The following AUTS2 variants were observed in gnomAD, a reference collection of about 807,000 sequenced individuals.
AUTS2 encodes the protein autism susceptibility gene 2 protein.
A neutral mutation model predicts 112.4 loss-of-function variants in AUTS2; 17 were observed. The ratio of observed to expected loss-of-function variants is 0.15; its 90% CI spans 0.10 to 0.23. AUTS2 has a LOEUF of 0.23. AUTS2 is among the 10% of genes least tolerant of loss of function. AUTS2 has a pLI of 1.00. For synonymous variants in AUTS2, 751 were observed against 702.7 expected (o/e 1.07, Z -1.09); for missense variants, 1,510 against 1,701.6 (o/e 0.89, Z 1.98).
At position 70,777,185 on chromosome 7, in the gene AUTS2, CCTT is replaced by C. The variant is rs778294744; in HGVS notation, c.2004+13_2004+15del. 58 of 1,613,134 alleles carry C rather than the reference CCTT, an allele frequency of 3.6e-5. No homozygotes were observed. Among genetic ancestry groups the C allele is most frequent in the Non-Finnish European group, 4.5e-5 (53 of 1,179,258 alleles). Reference sequence around the variant, plus strand: ...CAACAGAAAGTCAAGGTCAGTCCGACCTTCGTGGTGTAGGGAAGAATGGGATGC... The same window carrying C: ...CAACAGAAAGTCAAGGTCAGTCCGACCGTGGTGTAGGGAAGAATGGGATGC... On this transcript the variant is annotated intron_variant, in intron 14 of 18. Transcript: ENST00000342771.
chr7:69,797,911 G>T (rs1009754926), intron 1 of AUTS2, among the ~76,000 whole-genome samples: 1 of 152,036 alleles, frequency 6.6e-6, no homozygotes, highest in African/African-American at 2.4e-5. Context: ...CTTTACTTTC[G>T]AAAGGAAGGA....
chr7:70,063,749 A>G (rs1802363978), intron 2 of AUTS2, among the ~76,000 whole-genome samples: 2 of 152,112 alleles, frequency 1.3e-5, no homozygotes, highest in South Asian at 4.2e-4. Flanking sequence ...GAACACCGCG[A>G]AAAGAGCTCA....
chr7:70,051,495 T>A (rs976953266), intron 2 of AUTS2, among the ~76,000 whole-genome samples: 4 of 152,166 alleles, frequency 2.6e-5, no homozygotes, highest in African/African-American at 7.2e-5. Flanking sequence ...GGCAGGTGGA[T>A]CACCTGAGTT....
intron 1 of AUTS2, among the ~76,000 whole-genome samples, chr7:69,836,592 A>G (rs903215525): frequency 1.3e-5 from 2 of 152,112 alleles, no homozygotes; most frequent in African/African-American, 2.4e-5. Context: ...TGGGTAAGGT[A>G]GATTCTTATG....
intron 1 of AUTS2, among the ~76,000 whole-genome samples, chr7:69,685,220 T>G (rs1033276108): frequency 6.6e-6 from 1 of 152,174 alleles, no homozygotes; most frequent in East Asian, 1.9e-4. Context: ...GCTGGAGGCT[T>G]CCTCACCTTT....
At position 70,366,932 on chromosome 7, in the gene AUTS2, A is replaced by G. The variant is rs547858078; in HGVS notation, c.661-68820A>G. Among the ~76,000 whole-genome samples, 6 of 152,294 alleles carry G rather than the reference A, an allele frequency of 3.9e-5. No individual in the cohort carries two copies. In the East Asian group the frequency reaches 1.2e-3, roughly 29 times the overall value. ...AGTTTGAGGTACCTGTGGAACATCC[A>G]AGTGGAGAACTTTGGCTAACAAAGT... On this transcript the variant is annotated intron_variant, in intron 4 of 18. Coordinates refer to ENST00000342771, the MANE Select transcript of AUTS2 (RefSeq NM_015570.4).
chr7:69,665,113 C>T (rs973304466), intron 1 of AUTS2, among the ~76,000 whole-genome samples: 3 of 152,156 alleles, frequency 2.0e-5, no homozygotes, highest in African/African-American at 7.2e-5. Flanking sequence ...CTGAAATACA[C>T]AGATTTGCAT....
At chr7:70,299,391 G>A (rs1016302483) in intron 4 of AUTS2, among the ~76,000 whole-genome samples, 1 of 152,160 alleles carries the variant, frequency 6.6e-6, no homozygotes, top group African/African-American at 2.4e-5. Flanking sequence ...CAGCATTCTG[G>A]AATGATTTTG....
At chr7:70,492,423 C>T (rs956338707) in intron 5 of AUTS2, among the ~76,000 whole-genome samples, 3 of 152,076 alleles carry the variant, frequency 2.0e-5, no homozygotes, top group Admixed American at 6.6e-5. Context: ...AAGAGATGCC[C>T]TCAGGTGGGG....
chr7:70,629,782 T>G (rs1805162765), intron 5 of AUTS2, among the ~76,000 whole-genome samples: 1 of 152,038 alleles, frequency 6.6e-6, no homozygotes, highest in Admixed American at 6.6e-5. Context: ...TTTTAAAAGC[T>G]TTAGGTCTAT....
chr7:70,173,823 C>CA (rs1562762482), intron 4 of AUTS2, among the ~76,000 whole-genome samples: 53 of 1,966 alleles, frequency 0.027, no homozygotes, highest in African/African-American at 0.16. Flanking sequence ...ACATAAACCT[C>CA]GCTATATAAG....
At chr7:70,544,159 A>G (rs1003154939) in intron 5 of AUTS2, among the ~76,000 whole-genome samples, 3 of 152,182 alleles carry the variant, frequency 2.0e-5, no homozygotes, top group African/African-American at 7.2e-5. Flanking sequence ...CCAAGTTACT[A>G]TTACCTGATT....
chr7:70,388,803 A>G (rs1432187944), intron 4 of AUTS2, among the ~76,000 whole-genome samples: 1 of 152,198 alleles, frequency 6.6e-6, no homozygotes, highest in Non-Finnish European at 1.5e-5. Context: ...GGACAAGGGG[A>G]CCTGTTGGCT....
In AUTS2 at chr7:70,791,034, T is replaced by C. The variant is rs769264433; in HGVS notation, c.*38T>C. The C allele has an allele frequency of 1.4e-6, 2 of 1,458,522 alleles. No individual in the cohort carries two copies. Among genetic ancestry groups the C allele is most frequent in the South Asian group, 3.1e-5 (2 of 65,210 alleles). The allele number at this position is 1,458,522 out of a possible 1,614,324, so 90.3% of individuals were successfully genotyped here. ...AGCAAGAACGAGGAAGAAGAAACCC[T>C]AGGCAGACACCAGGCCAGGCTTGAG... On this transcript the variant is annotated 3_prime_UTR_variant, in exon 19 of 19. Coordinates refer to ENST00000342771, the MANE Select transcript of AUTS2 (RefSeq NM_015570.4).
chr7:70,313,070 C>A (rs561130201), intron 4 of AUTS2, among the ~76,000 whole-genome samples: 5 of 152,260 alleles, frequency 3.3e-5, no homozygotes, highest in Admixed American at 3.3e-4. Flanking sequence ...AACAGGACTA[C>A]TTGGGAGAAA....
intron 4 of AUTS2, among the ~76,000 whole-genome samples, chr7:70,206,361 A>G (rs939924897): frequency 9.9e-5 from 15 of 151,874 alleles, no homozygotes; most frequent in African/African-American, 3.6e-4. Context: ...GACCTTTTCT[A>G]TCTGTTTTTT....
chr7:70,359,816 C>T (rs564986956), intron 4 of AUTS2, among the ~76,000 whole-genome samples: 1 of 152,288 alleles, frequency 6.6e-6, no homozygotes, highest in South Asian at 2.1e-4. Flanking sequence ...GTTAAGAGGA[C>T]ACAAACTCTA....
intron 4 of AUTS2, among the ~76,000 whole-genome samples, chr7:70,258,323 CTAA>C (rs1189143533): frequency 6.6e-6 from 1 of 152,160 alleles, no homozygotes; most frequent in East Asian, 1.9e-4. Context: ...AGAAGGAATA[CTAA>C]GTAGGACAGT....
At chr7:70,365,875 A>C (rs1343796350) in intron 4 of AUTS2, among the ~76,000 whole-genome samples, 5 of 152,198 alleles carry the variant, frequency 3.3e-5, no homozygotes, top group Admixed American at 3.3e-4. Context: ...CCTGGAAAGG[A>C]GTTACTAACA....
Sources: gnomAD v4.1 joint callset for allele counts (sites outside exome capture counted in the v4.1 genomes callset) on GRCh38, gnomAD v4.1.1 for gene constraint, MANE v1.5 for transcripts, NCBI Gene and HGNC (gene_info 2026-07-23, HGNC 2026-07-21) for gene names.